The following ULK4 variants were observed in gnomAD, a reference collection of about 807,000 sequenced individuals.
ULK4 encodes the protein unc-51 like kinase 4.
In ULK4, 133 loss-of-function variants were observed where a neutral mutation model predicts 160.6. That is an observed-to-expected ratio of 0.83 (90% confidence interval 0.72 to 0.96). The LOEUF is 0.96. Ranked by LOEUF, ULK4 falls within the 40% of genes least tolerant of loss-of-function variation. The probability of loss-of-function intolerance (pLI) is 0.00; values close to 1 mark genes in which losing one functional copy is unlikely to be tolerated. For missense variants in ULK4, 1,580 were observed against 1,499.5 expected, an observed-to-expected ratio of 1.05 and a Z score of -0.89; for synonymous variants, 534 against 539.8, an observed-to-expected ratio of 0.99 and a Z score of 0.15.
At chr3:41,470,208 A>C (rs1015002130) in intron 32 of ULK4, among the ~76,000 whole-genome samples, 2 of 152,138 alleles carry the variant, frequency 1.3e-5, no homozygotes, top group East Asian at 3.9e-4. Flanking sequence ...AGATGAAGAA[A>C]ATATGCTAAT....
intron 30 of ULK4, among the ~76,000 whole-genome samples, chr3:41,617,662 G>C (rs1026781842): frequency 6.6e-6 from 1 of 152,166 alleles, no homozygotes; most frequent in East Asian, 1.9e-4. Flanking sequence ...ATGAAGATGA[G>C]GGAAAGTCAG....
rs530427953 is a variant in ULK4, at chr3:41,719,297, A to G, written c.2322-1436T>C. Among the ~76,000 whole-genome samples, 3 of 152,246 alleles carry G rather than the reference A, an allele frequency of 2.0e-5. No individual in the cohort carries two copies. The South Asian group carries it at 6.2e-4, about 32-fold the overall frequency. ...CTAACTGTTTAACACAGGCTATCTC[A>G]TTCCTACCAATGATTTAAATTACCA... On this transcript the variant is annotated intron_variant, in intron 22 of 36. Transcript: ENST00000301831.
At position 41,862,789 on chromosome 3, in the gene ULK4, T is replaced by G. The variant is rs1262818667; in HGVS notation, c.1656+21085A>C. 3.0e-5 allele frequency among the ~76,000 whole-genome samples: 4 copies of G among 133,118 alleles called. No individual in the cohort carries two copies. The East Asian group carries it at 7.3e-4, about 24-fold the overall frequency. The allele number at this position is 133,118 out of a possible 152,430, so 87.3% of individuals were successfully genotyped here. ...AGTCTCTCTCTCTCTCTCTCTCCGCTCCCCCCCCCCTTTCTCTCTCTCTCT... is the reference window on the plus strand; with the variant it reads ...AGTCTCTCTCTCTCTCTCTCTCCGCGCCCCCCCCCCTTTCTCTCTCTCTCT... On this transcript the variant is annotated intron_variant, in intron 17 of 36. Transcript: ENST00000301831.
At position 41,564,363 on chromosome 3, in the gene ULK4, C is replaced by T. The variant is rs375583159; in HGVS notation, c.3226+1662G>A. On this transcript the variant is annotated intron_variant, in intron 32 of 36. Coordinates refer to ENST00000301831, the MANE Select transcript of ULK4 (RefSeq NM_017886.4). ...CAGGGACCCACTTGAGGAGGTAGTC[C>T]GTCCGTTCTGAGAGCTCAAACGCCA... is the stretch of plus-strand genomic sequence containing the variant. 3.1e-4 allele frequency among the ~76,000 whole-genome samples: 47 copies of T among 151,708 alleles called. No individual in the cohort carries two copies. In the East Asian group the frequency reaches 7.4e-3, roughly 24 times the overall value.
chr3:41,513,001 AG>A (rs1173691750), intron 32 of ULK4, among the ~76,000 whole-genome samples: 64 of 41,594 alleles, frequency 1.5e-3, no homozygotes, highest in African/African-American at 2.7e-3. Context: ...CTTACTAATC[AG>A]CTAACTGATT....
chr3:41,737,564 C>T (rs1264899102), intron 22 of ULK4, among the ~76,000 whole-genome samples: 3 of 151,884 alleles, frequency 2.0e-5, no homozygotes, highest in South Asian at 2.1e-4. Context: ...CAAGTCAATC[C>T]TAAGCCAAAA....
chr3:41,388,380 T>G (rs966109703), intron 35 of ULK4, among the ~76,000 whole-genome samples: 4 of 152,098 alleles, frequency 2.6e-5, no homozygotes, highest in African/African-American at 7.2e-5. Flanking sequence ...TTAGTTTAAT[T>G]AGATCCCATT....
chr3:41,918,877 A>G (rs1438752144), intron 6 of ULK4, among the ~76,000 whole-genome samples: 1 of 152,180 alleles, frequency 6.6e-6, no homozygotes, highest in African/African-American at 2.4e-5. Context: ...CTGGGATTAC[A>G]GGCGTGAGCC....
chr3:41,930,172 G>A (rs1229375198), intron 5 of ULK4, among the ~76,000 whole-genome samples: 10 of 150,792 alleles, frequency 6.6e-5, no homozygotes, highest in Admixed American at 6.0e-4. Context: ...ACAGACCTCG[G>A]AATAGAGATC....
chr3:41,770,540 T>C (rs9832037), intron 21 of ULK4, among the ~76,000 whole-genome samples: 45,788 of 148,640 alleles, frequency 0.31, 10,458 homozygotes, highest in African/African-American at 0.65. Flanking sequence ...GACAGAGTAT[T>C]ACTCTGTTGC....
chr3:41,500,088 T>C (rs2085140209), intron 32 of ULK4, among the ~76,000 whole-genome samples: 1 of 152,112 alleles, frequency 6.6e-6, no homozygotes, highest in Admixed American at 6.5e-5. Context: ...TAAGGCTTTC[T>C]TGAGTTTTTT....
At chr3:41,865,270 TTAAAAAA>T (rs1465085617) in intron 17 of ULK4, among the ~76,000 whole-genome samples, 2,985 of 65,434 alleles carry the variant, frequency 0.046, 307 homozygotes, top group African/African-American at 0.17. Context: ...GACTCTGTCT[TTAAAAAA>T]AAAAAAAAAA....
At chr3:41,818,980 A>G (rs144857617) in intron 19 of ULK4, among the ~76,000 whole-genome samples, 52 of 152,342 alleles carry the variant, frequency 3.4e-4, no homozygotes, top group South Asian at 6.2e-4. Flanking sequence ...AATACTACTT[A>G]ATATTAAAAG....
chr3:41,526,141 C>T (rs1395565716), intron 32 of ULK4, among the ~76,000 whole-genome samples: 1 of 152,070 alleles, frequency 6.6e-6, no homozygotes, highest in Non-Finnish European at 1.5e-5. Flanking sequence ...CTCTTTTTTT[C>T]TAGAGTGAGT....
intron 35 of ULK4, among the ~76,000 whole-genome samples, chr3:41,284,313 G>C (rs2371489): frequency 0.25 from 37,876 of 151,978 alleles, 6,990 homozygotes; most frequent in African/African-American, 0.52. Context: ...GAGAACAAAT[G>C]TGGAGGCATC....
intron 29 of ULK4, among the ~76,000 whole-genome samples, chr3:41,665,032 A>G (rs2035310021): frequency 6.6e-6 from 1 of 152,220 alleles, no homozygotes; most frequent in Non-Finnish European, 1.5e-5. Flanking sequence ...ATAAATGAAC[A>G]AACTAACCAA....
intron 32 of ULK4, among the ~76,000 whole-genome samples, chr3:41,548,148 G>A (rs2086930229): frequency 6.6e-6 from 1 of 152,140 alleles, no homozygotes; most frequent in Non-Finnish European, 1.5e-5. Context: ...GGAATGCCTT[G>A]CTCCACCCAC....
At chr3:41,576,186 T>C (rs1014336904) in intron 31 of ULK4, among the ~76,000 whole-genome samples, 9 of 152,200 alleles carry the variant, frequency 5.9e-5, no homozygotes, top group African/African-American at 1.4e-4. Context: ...AAAGTAAAAA[T>C]AGCAATAAAA....
intron 20 of ULK4, among the ~76,000 whole-genome samples, chr3:41,798,232 G>C (rs940552142): frequency 6.6e-6 from 1 of 152,102 alleles, no homozygotes; most frequent in Non-Finnish European, 1.5e-5. Context: ...TCTGTATAAT[G>C]TTATCTTTAT....
Sources: allele counts gnomAD v4.1 joint callset (sites outside exome capture counted in the v4.1 genomes callset), GRCh38; gene constraint gnomAD v4.1.1; transcripts MANE v1.5; gene names NCBI Gene and HGNC (gene_info 2026-07-23, HGNC 2026-07-21).